The following CHD8 variants were observed in gnomAD, a reference collection of about 807,000 sequenced individuals.
The protein encoded by CHD8 is ATP-dependent chromatin remodeler CHD8.
Under a neutral mutation model 279.2 loss-of-function variants are expected in CHD8, and 31 were observed. The observed-to-expected ratio is 0.11, with a 90% CI of 0.08 to 0.15. CHD8 has a LOEUF of 0.15. Ranked by LOEUF, CHD8 falls within the 10% of genes least tolerant of loss-of-function variation. The pLI is 1.00. For missense variants in CHD8, 2,146 were observed against 3,230.5 expected (o/e 0.66, Z 8.14); for synonymous variants, 1,081 against 1,139.6 (o/e 0.95, Z 1.04).
chr14:21,400,867 G>A lies in CHD8; in HGVS notation c.4370+8C>T, dbSNP rs1448987477. ...TGCACTACCTCTAATGGTAAGTTGG[G>A]GTCTTACCCATATACCAGGAGATGC... On this transcript the variant is annotated splice_region_variant and intron_variant, in intron 22 of 37. Transcript: ENST00000646647. The surrounding 1 kb of genome is among the most constrained non-coding windows in gnomAD (Gnocchi z 4.2). 3 of 1,600,580 alleles carry A rather than the reference G, an allele frequency of 1.9e-6. No homozygotes were observed. Among genetic ancestry groups the A allele is most frequent in the East Asian group, 4.5e-5 (2 of 44,786 alleles).
At chr14:21,425,627 G>C (rs1238307969) in intron 5 of CHD8, 1 of 152,054 alleles carries the variant, frequency 6.6e-6, no homozygotes, top group Non-Finnish European at 1.5e-5. Context: ...GCCTGGCCAA[G>C]TATCACTATT....
rs1887965105 is a variant in CHD8 at position 21,400,110 on chromosome 14, A to G, written c.4728-40T>C. The G allele has an allele frequency of 6.2e-7, 1 of 1,613,100 alleles. No homozygotes were observed. Among genetic ancestry groups the G allele is most frequent in the African/African-American group, 1.3e-5 (1 of 74,876 alleles). On this transcript the variant is annotated intron_variant, in intron 24 of 37. Transcript: ENST00000646647. This position sits in a 1 kb window ranked among gnomAD's most constrained non-coding sequence, Gnocchi z 4.2. ...GGAAGAGCTGGCTCAGTAACACTGTAGAAGTTTGAGGTGGAAAATGTCTGC... is the reference window on the plus strand; with the variant it reads ...GGAAGAGCTGGCTCAGTAACACTGTGGAAGTTTGAGGTGGAAAATGTCTGC...
intron 9 of CHD8, 144 bp from the exon 10 acceptor site, chr14:21,413,140 T>C: frequency 1.6e-6 from 1 of 642,248 alleles, no homozygotes; most frequent in Non-Finnish European, 2.8e-6. Context: ...TCCTTTTTCA[T>C]AACAGCAAAT....
At chr14:21,440,212 GT>G (rs555562829) in intron 1 of CHD8, among the ~76,000 whole-genome samples, 7 of 151,190 alleles carry the variant, frequency 4.6e-5, no homozygotes, top group Non-Finnish European at 8.9e-5. Context: ...TTTGTTGCTG[GT>G]TTTTTTTTCT....
intron 9 of CHD8, among the ~76,000 whole-genome samples, chr14:21,413,251 T>C (rs75844723): frequency 1.3e-3 from 198 of 152,346 alleles, no homozygotes; most frequent in African/African-American, 4.2e-3. Context: ...CTGCTGTTCA[T>C]TGCTTCTTGT....
chr14:21,401,931 T>A, intron 20 of CHD8, 26 bp downstream of exon 20: 1 of 1,576,324 alleles, frequency 6.3e-7, no homozygotes. Context: ...TGTGTTTTTC[T>A]AGCCTCTGGC....
At chr14:21,401,645 C>T (rs1335634981) in intron 20 of CHD8, 132 bp from the exon 21 acceptor site, 18 of 623,476 alleles carry the variant, frequency 2.9e-5, no homozygotes, top group Non-Finnish European at 4.6e-5. Flanking sequence ...GGTACAGTGG[C>T]ACGATCTCCG....
At chr14:21,425,706 G>A (rs903226006) in intron 5 of CHD8, 1 of 156,656 alleles carries the variant, frequency 6.4e-6, no homozygotes, top group Non-Finnish European at 1.4e-5. Flanking sequence ...GGCCAAGGCA[G>A]GCAGATCACT....
At chr14:21,445,275 T>C (rs751648001) in intron 1 of CHD8, among the ~76,000 whole-genome samples, 55 of 152,280 alleles carry the variant, frequency 3.6e-4, no homozygotes, top group Admixed American at 5.9e-4. Flanking sequence ...CAAAGCTCAT[T>C]TCAACAAAAA....
At position 21,431,075 on chromosome 14, in the gene CHD8, A is replaced by G; in HGVS notation, c.569T>C (p.Leu190Pro). Residue 190 changes from leucine (L) to proline (P), a missense_variant, in exon 2 of 38, where the codon CTG (leucine) becomes CCG (proline). By Grantham distance (98) the Leu-to-Pro change is moderately conservative. This residue lies in a region of CHD8 where 302 missense variants were observed against 325.5 expected (regional missense o/e 0.93). Coordinates refer to ENST00000646647, the MANE Select transcript of CHD8 (RefSeq NM_001170629.2). ...TCCACCATTGGCTGTGCCTGCCACCAGGGGCTGAGCTGTGCTGGTGATACC... is the reference window on the plus strand; with the variant it reads ...TCCACCATTGGCTGTGCCTGCCACCGGGGGCTGAGCTGTGCTGGTGATACC... The part of the protein sequence containing the change: ...AQGITSTAQP[L>P]VAGTANGGKV... 6.3e-7 allele frequency: 1 copy of G among 1,599,310 alleles called. No individual in the cohort carries two copies. Among genetic ancestry groups the G allele is most frequent in the Non-Finnish European group, 8.5e-7 (1 of 1,179,694 alleles).
intron 37 of CHD8, 59 bp from the exon 38 acceptor site, chr14:21,386,235 C>A: frequency 1.4e-6 from 2 of 1,458,706 alleles, no homozygotes; most frequent in South Asian, 2.7e-5. Context: ...GAAAAGAAAC[C>A]AAAGCCAACA....
chr14:21,436,324 T>G (rs1889779397), intron 1 of CHD8, among the ~76,000 whole-genome samples: 1 of 152,212 alleles, frequency 6.6e-6, no homozygotes, highest in African/African-American at 2.4e-5. Flanking sequence ...GAGAAATACC[T>G]TGAAAATAAA....
At chr14:21,387,732 G>C (rs1238362563) in intron 37 of CHD8, among the ~76,000 whole-genome samples, 1 of 149,120 alleles carries the variant, frequency 6.7e-6, no homozygotes, top group African/African-American at 2.5e-5. Flanking sequence ...CTTGAACCCA[G>C]GAGGCGGAGG....
At position 21,402,620 on chromosome 14, in the gene CHD8, C is replaced by T. The variant is rs1594343639; in HGVS notation, c.3715-117G>A. On this transcript the variant is annotated intron_variant, in intron 18 of 37. Transcript: ENST00000646647. This position sits in a 1 kb window ranked among gnomAD's most constrained non-coding sequence, Gnocchi z 4.5. The stretch of plus-strand genomic sequence containing the variant: ...CTCTATAGAGCAGCCATGAGATCAA[C>T]TCAAAACCAAGAGTCAATTTCAAGA... 1.0e-6 allele frequency: 1 copy of T among 994,816 alleles called. No individual in the cohort carries two copies. The highest frequency in any genetic ancestry group is 2.7e-5 in the East Asian group (1 of 37,522). The allele number at this position is 994,816 out of a possible 1,614,324, so 61.6% of individuals were successfully genotyped here.
intron 10 of CHD8, among the ~76,000 whole-genome samples, chr14:21,411,921 G>A (rs901614710): frequency 2.6e-5 from 4 of 151,982 alleles, no homozygotes; most frequent in African/African-American, 4.8e-5. Flanking sequence ...AAAACTAGCC[G>A]GGCATGATGG....
chr14:21,395,310 C>T lies in CHD8; in HGVS notation c.5170G>A (p.Asp1724Asn). ...MMMDEEISVIDGDEAQVTQQP... is the reference protein window; with the variant it reads ...MMMDEEISVINGDEAQVTQQP... ...CCTAGAAGTTTACCTTCATCTCCAT[C>T]AATCACTGAGATCTCCTCATCCATC... The change falls in exon 29 of 38, where the codon GAT becomes AAT. Residue 1724 changes from aspartate (D) to asparagine (N), a missense_variant. By Grantham distance (23) the Asp-to-Asn change is conservative. Coordinates refer to ENST00000646647, the MANE Select transcript of CHD8 (RefSeq NM_001170629.2). 1 of 1,608,626 alleles carries T rather than the reference C, an allele frequency of 6.2e-7. No individual in the cohort carries two copies. The highest frequency in any genetic ancestry group is 8.5e-7 in the Non-Finnish European group (1 of 1,176,532).
chr14:21,422,983 A>C (rs1323667261), intron 5 of CHD8, among the ~76,000 whole-genome samples: 1 of 152,176 alleles, frequency 6.6e-6, no homozygotes, highest in East Asian at 1.9e-4. Flanking sequence ...GCATTTTGGG[A>C]GGCCGAGGCA....
chr14:21,413,289 T>C (rs1367600814), intron 9 of CHD8, among the ~76,000 whole-genome samples: 1 of 152,208 alleles, frequency 6.6e-6, no homozygotes, highest in African/African-American at 2.4e-5. Context: ...TACCGAGTCA[T>C]TGCCATAAAT....
chr14:21,429,098 G>T lies in CHD8; in HGVS notation c.1081C>A (p.Gln361Lys). The T allele has an allele frequency of 6.2e-7, 1 of 1,614,018 alleles. No individual in the cohort carries two copies. Among genetic ancestry groups the T allele is most frequent in the Non-Finnish European group, 8.5e-7 (1 of 1,179,888 alleles). Residue 361 changes from glutamine to lysine, a missense_variant, in exon 3 of 38, where the codon CAG becomes AAG. Transcript: ENST00000646647. ...GAGGGTGGCTGCTGGGGCTGTGGCTGCGATGATGGTGGTTGTGGTACAATC... is the reference window on the plus strand; with the variant it reads ...GAGGGTGGCTGCTGGGGCTGTGGCTTCGATGATGGTGGTTGTGGTACAATC... ...IQIVPQPPSS[Q>K]PQPQQPPSTQ...
Sources: gnomAD v4.1 joint callset for allele counts (sites outside exome capture counted in the v4.1 genomes callset) on GRCh38, gnomAD v4.1.1 for gene constraint, gnomAD v4.1.1 regional missense constraint, Gnocchi (gnomAD v3.1) non-coding constraint, MANE v1.5 for transcripts, NCBI Gene and HGNC (gene_info 2026-07-23, HGNC 2026-07-21) for gene names.